The following TMTC4 variants were observed in gnomAD, a reference collection of about 807,000 sequenced individuals.
TMTC4 encodes transmembrane O-mannosyltransferase targeting cadherins 4, also known as protein O-mannosyl-transferase TMTC4.
TMTC4 carries 65 observed loss-of-function variants against 86.0 expected under a neutral mutation model. That is an observed-to-expected ratio of 0.76 (90% CI 0.62 to 0.93). The LOEUF is 0.93. TMTC4 is among the 40% of genes least tolerant of loss of function. The pLI is 0.00. For missense variants in TMTC4, 866 were observed against 948.1 expected (o/e 0.91, Z 1.14); for synonymous variants, 379 against 382.5 (o/e 0.99, Z 0.11).
At position 100,612,388 on chromosome 13, in the gene TMTC4, GT is replaced by G. The variant is rs749605370; in HGVS notation, c.2064+9del. ...TAACTGCAAGAACTCACAGCCTGCGGTTTACGCACCTTGTATTTCTGGGATT... is the reference window on the plus strand; with the variant it reads ...TAACTGCAAGAACTCACAGCCTGCGGTTACGCACCTTGTATTTCTGGGATT... On this transcript the variant is annotated intron_variant, in intron 17 of 18. Transcript: ENST00000342624. The G allele has an allele frequency of 4.3e-5, 69 of 1,598,586 alleles. No homozygotes were observed. In the Admixed American group the frequency reaches 7.5e-4, roughly 17 times the overall value.
chr13:100,618,799 G>A (rs1398972128), intron 15 of TMTC4, among the ~76,000 whole-genome samples: 1 of 152,210 alleles, frequency 6.6e-6, no homozygotes. Context: ...AGAGCACAGG[G>A]TTGGGGGTAA....
At chr13:100,633,943 C>G (rs1428660497) in intron 12 of TMTC4, among the ~76,000 whole-genome samples, 1 of 152,146 alleles carries the variant, frequency 6.6e-6, no homozygotes, top group Admixed American at 6.5e-5. Context: ...AGTTCAAGAT[C>G]AGCTTGGCCA....
intron 15 of TMTC4, among the ~76,000 whole-genome samples, chr13:100,622,768 CT>C (rs1200112841): frequency 2.6e-5 from 4 of 151,338 alleles, no homozygotes; most frequent in South Asian, 2.1e-4. Flanking sequence ...TTTAGTATTT[CT>C]TTTTTTTTAA....
chr13:100,643,550 C>T (rs973018964), intron 6 of TMTC4, among the ~76,000 whole-genome samples: 3 of 152,210 alleles, frequency 2.0e-5, no homozygotes, highest in Non-Finnish European at 2.9e-5. Context: ...TATGACAACA[C>T]ATAAGAAATT....
In TMTC4 at chr13:100,633,139, C is replaced by T. The variant is rs192352159; in HGVS notation, c.1506+1666G>A. ...CCAGCCTGGCTAACATAGTGAAACC[C>T]CGTCTCTACTAAAAATACAAAAATT... On this transcript the variant is annotated intron_variant, in intron 12 of 18. Coordinates refer to ENST00000342624, the MANE Select transcript of TMTC4 (RefSeq NM_032813.5). Among the ~76,000 whole-genome samples the T allele has an allele frequency of 7.9e-4, 120 of 152,004 alleles. No individual in the cohort carries two copies. In the Middle Eastern group the frequency reaches 0.01, roughly 13 times the overall value.
intron 15 of TMTC4, among the ~76,000 whole-genome samples, chr13:100,622,397 G>A (rs556592365): frequency 2.6e-5 from 4 of 152,282 alleles, no homozygotes; most frequent in African/African-American, 7.2e-5. Flanking sequence ...TGGTTTGGCT[G>A]TGTCCCCACC....
At chr13:100,638,212 G>T (rs1411486782) in intron 7 of TMTC4, 190 bp from the exon 8 acceptor site, 5 of 508,604 alleles carry the variant, frequency 9.8e-6, no homozygotes, top group Non-Finnish European at 1.7e-5. Context: ...CAAGGTAATA[G>T]ATCATATTTA....
intron 15 of TMTC4, among the ~76,000 whole-genome samples, chr13:100,622,801 A>C (rs1278775526): frequency 2.0e-5 from 3 of 152,026 alleles, no homozygotes; most frequent in East Asian, 3.8e-4. Context: ...TTATACTTTA[A>C]GTTTTAGCGT....
chr13:100,663,923 T>C (rs1263406483), intron 4 of TMTC4, among the ~76,000 whole-genome samples: 1 of 152,178 alleles, frequency 6.6e-6, no homozygotes, highest in African/African-American at 2.4e-5. Flanking sequence ...AAAAATCAGT[T>C]TCATCAGAGG....
intron 12 of TMTC4, among the ~76,000 whole-genome samples, chr13:100,626,914 T>C (rs937079742): frequency 6.6e-5 from 10 of 152,286 alleles, no homozygotes; most frequent in African/African-American, 2.2e-4. Flanking sequence ...TGGGAAGTGA[T>C]TGGGTCATGA....
At chr13:100,621,062 A>C (rs1329060348) in intron 15 of TMTC4, among the ~76,000 whole-genome samples, 1 of 152,232 alleles carries the variant, frequency 6.6e-6, no homozygotes, top group East Asian at 1.9e-4. Context: ...TGTAATTAGT[A>C]AACAATATAA....
chr13:100,633,058 A>AT (rs1428555298), intron 12 of TMTC4, among the ~76,000 whole-genome samples: 2 of 152,184 alleles, frequency 1.3e-5, no homozygotes, highest in Middle Eastern at 3.2e-3. Flanking sequence ...CATGCCTGTA[A>AT]TCCCAGCACT....
At position 100,664,245 on chromosome 13, in the gene TMTC4, C is replaced by T. The variant is rs749176956; in HGVS notation, c.311G>A (p.Arg104Gln). Residue 104 changes from arginine to glutamine, a missense_variant, in exon 4 of 19, where the codon CGG (arginine) becomes CAG (glutamine). By Grantham distance (43) the Arg-to-Gln change is conservative (BLOSUM62 1). Coordinates refer to ENST00000342624, the MANE Select transcript of TMTC4 (RefSeq NM_032813.5). ...CCTGAAAGTCAGGACGGTGAGAGGC[C>T]GGTAGGACTTGTGGCTGGTGTTGCT... ...LSSNTSHKSY[R>Q]PLTVLTFRIN... 16 of 1,611,686 alleles carry T rather than the reference C, an allele frequency of 9.9e-6. No individual in the cohort carries two copies. The highest frequency in any genetic ancestry group is 3.3e-4 in the Middle Eastern group (2 of 6,072).
intron 6 of TMTC4, among the ~76,000 whole-genome samples, chr13:100,645,645 G>GAGC (rs1883632175): frequency 6.6e-6 from 1 of 152,064 alleles, no homozygotes; most frequent in Non-Finnish European, 1.5e-5. Context: ...CTGCCGCTGT[G>GAGC]AGGTGAGCCT....
At chr13:100,656,635 C>A (rs1885161124) in intron 5 of TMTC4, among the ~76,000 whole-genome samples, 167 bp from the exon 6 acceptor site, 1 of 149,242 alleles carries the variant, frequency 6.7e-6, no homozygotes, top group Non-Finnish European at 1.5e-5. Flanking sequence ...CTCAACCCCC[C>A]TGGGCTCAAG....
chr13:100,659,288 G>A (rs1885481138), intron 5 of TMTC4, among the ~76,000 whole-genome samples: 1 of 152,142 alleles, frequency 6.6e-6, no homozygotes, highest in Admixed American at 6.5e-5. Context: ...TACTTCTAGA[G>A]ACAGGGTCTC....
At chr13:100,645,845 G>T (rs1305995622) in intron 6 of TMTC4, among the ~76,000 whole-genome samples, 2 of 152,126 alleles carry the variant, frequency 1.3e-5, no homozygotes, top group Non-Finnish European at 2.9e-5. Flanking sequence ...TTGGAGGGGG[G>T]TTGCCCTGTG....
intron 3 of TMTC4, among the ~76,000 whole-genome samples, chr13:100,665,702 A>G (rs1886311685): frequency 6.6e-6 from 1 of 152,266 alleles, no homozygotes; most frequent in Admixed American, 6.5e-5. Flanking sequence ...GTGGCCCCAA[A>G]GAGCAACAAA....
intron 12 of TMTC4, among the ~76,000 whole-genome samples, chr13:100,633,301 T>C (rs1594291287): frequency 9.9e-6 from 1 of 100,506 alleles, no homozygotes; most frequent in African/African-American, 4.1e-5. Context: ...AGAGCAAGAC[T>C]CCATCTCAGG....
Sources: allele counts gnomAD v4.1 joint callset (sites outside exome capture counted in the v4.1 genomes callset), GRCh38; gene constraint gnomAD v4.1.1; transcripts MANE v1.5; gene names NCBI Gene and HGNC (gene_info 2026-07-23, HGNC 2026-07-21).